Variants in FRMPD4 observed in about 807,000 individuals in gnomAD.
FRMPD4 encodes the protein FERM and PDZ domain-containing protein 4.
A neutral mutation model predicts 94.1 loss-of-function variants in FRMPD4; 22 were observed. The ratio of observed to expected loss-of-function variants is 0.23; its 90% CI spans 0.17 to 0.33. FRMPD4 has a LOEUF of 0.33. Ranked by LOEUF, FRMPD4 falls within the 10% of genes least tolerant of loss-of-function variation. The probability of loss-of-function intolerance (pLI) is 1.00; values close to 1 mark genes in which losing one functional copy is unlikely to be tolerated. For synonymous variants in FRMPD4, 631 were observed against 548.6 expected (o/e 1.15, Z -2.10); for missense variants, 1,111 against 1,339.9 (o/e 0.83, Z 2.67).
At chrX:12,265,691 A>G (rs2054260920) in intron 1 of FRMPD4, among the ~76,000 whole-genome samples, 1 of 110,135 alleles carries the variant, frequency 9.1e-6, no homozygotes, top group African/African-American at 3.3e-5. Context: ...TTCCAATAAT[A>G]CTGTAGCCCT....
At chrX:12,229,253 T>C (rs1444459942) in intron 1 of FRMPD4, among the ~76,000 whole-genome samples, 2 of 112,028 alleles carry the variant, frequency 1.8e-5, no homozygotes, top group African/African-American at 3.2e-5. Context: ...TGTTTCATTA[T>C]GCATTCAAGT....
chrX:12,560,723 T>A (rs946060930), intron 2 of FRMPD4, among the ~76,000 whole-genome samples: 7 of 100,418 alleles, frequency 7.0e-5, no homozygotes, highest in Non-Finnish European at 1.4e-4. Context: ...TTCTCCCTAG[T>A]GTATGCACCT....
At position 11,838,470 on chromosome X, in the gene FRMPD4, A is replaced by G. The variant is rs145802569; in HGVS notation, c.-161+15755A>G. ...CATATAAAATGAAGAAGATATTTTC[A>G]TTGTTTGTAAAATAAATATTTTACA... is the stretch of plus-strand genomic sequence containing the variant. On this transcript the variant is annotated intron_variant, in intron 1 of 18. Coordinates refer to the FRMPD4 transcript ENST00000640291. Among the ~76,000 whole-genome samples the G allele has an allele frequency of 3.7e-3, 410 of 111,923 alleles. 1 individual carries two copies. The highest frequency in any genetic ancestry group is 0.013 in the African/African-American group (386 of 30,872).
intron 1 of FRMPD4, among the ~76,000 whole-genome samples, chrX:12,278,539 C>G (rs1254954385): frequency 2.7e-5 from 3 of 112,217 alleles, no homozygotes; most frequent in Non-Finnish European, 5.6e-5. Flanking sequence ...ATTCTAATAC[C>G]TAAAAAAACT....
chrX:12,437,400 TTTTCTTTC>T (rs35076495), intron 1 of FRMPD4, among the ~76,000 whole-genome samples: 21 of 107,938 alleles, frequency 1.9e-4, no homozygotes, highest in Admixed American at 3.0e-4. Context: ...ATATATTCTT[TTTTCTTTC>T]TTTCTTTCTT....
At chrX:11,996,414 G>T (rs2054496525) in intron 3 of FRMPD4, among the ~76,000 whole-genome samples, 1 of 112,107 alleles carries the variant, frequency 8.9e-6, no homozygotes, top group African/African-American at 3.2e-5. Context: ...TTCCCAGAGT[G>T]GTGACAATTA....
intron 5 of FRMPD4, among the ~76,000 whole-genome samples, chrX:12,678,385 A>G (rs1322613360): frequency 8.9e-6 from 1 of 112,634 alleles, no homozygotes; most frequent in Admixed American, 9.4e-5. Context: ...TGGCTCCGAT[A>G]TACCGTCTTC....
chrX:12,178,265 G>A (rs2056318163), intron 1 of FRMPD4, among the ~76,000 whole-genome samples: 1 of 111,330 alleles, frequency 9.0e-6, no homozygotes, highest in South Asian at 3.8e-4. Flanking sequence ...TCATAACCGT[G>A]AGCAATACAT....
At chrX:12,348,302 CT>C (rs1289551831) in intron 1 of FRMPD4, among the ~76,000 whole-genome samples, 1 of 111,552 alleles carries the variant, frequency 9.0e-6, no homozygotes, top group African/African-American at 3.3e-5. Flanking sequence ...AAGTCAACCT[CT>C]GAGCTTACTT....
intron 1 of FRMPD4, among the ~76,000 whole-genome samples, chrX:12,451,959 AT>A (rs2057277925): frequency 9.1e-6 from 1 of 110,237 alleles, no homozygotes; most frequent in Non-Finnish European, 1.9e-5. Flanking sequence ...CCTTTCTACT[AT>A]TCTCTAATAC....
chrX:12,115,700 A>T (rs1569161228), intron 3 of FRMPD4, among the ~76,000 whole-genome samples: 1 of 108,566 alleles, frequency 9.2e-6, no homozygotes, highest in Non-Finnish European at 1.9e-5. Context: ...AGAATTTTGT[A>T]GGTGTGAGAT....
At chrX:12,475,497 C>G (rs1447971427) in intron 1 of FRMPD4, among the ~76,000 whole-genome samples, 6 of 111,499 alleles carry the variant, frequency 5.4e-5, no homozygotes, top group Non-Finnish European at 1.1e-4. Context: ...AAAGGGTATG[C>G]AATTAGGAAA....
intron 1 of FRMPD4, among the ~76,000 whole-genome samples, chrX:12,247,857 A>G (rs1051175896): frequency 8.9e-6 from 1 of 112,288 alleles, no homozygotes; most frequent in Non-Finnish European, 1.9e-5. Context: ...GGGAGATTAA[A>G]TAATTTGAAC....
chrX:12,327,061 A>C (rs7057877), intron 1 of FRMPD4, among the ~76,000 whole-genome samples: 2,614 of 111,837 alleles, frequency 0.023, 80 homozygotes, highest in African/African-American at 0.081. Flanking sequence ...TCAGCTCTTC[A>C]TCATCCCATT....
intron 2 of FRMPD4, among the ~76,000 whole-genome samples, chrX:11,875,927 G>A: frequency 1.0e-5 from 1 of 95,883 alleles, no homozygotes; most frequent in Non-Finnish European, 2.0e-5. Flanking sequence ...CCAGGCTGGA[G>A]TGCAGTGGCG....
intron 1 of FRMPD4, among the ~76,000 whole-genome samples, chrX:12,418,271 G>C (rs1399093780): frequency 3.7e-5 from 4 of 109,245 alleles, no homozygotes; most frequent in Non-Finnish European, 7.6e-5. Context: ...GCATGAAAGA[G>C]CAGAAATTGG....
chrX:11,935,297 A>C (rs866688409), intron 3 of FRMPD4, among the ~76,000 whole-genome samples: 2 of 1,232 alleles, frequency 1.6e-3, no homozygotes, highest in African/African-American at 8.2e-3. Flanking sequence ...TTTTTTTTTT[A>C]TTATACTCTA....
Position 11,891,546 on chromosome X carries a change from C to T in FRMPD4, c.95+13528C>T, listed in dbSNP as rs748957233. 3.6e-5 allele frequency among the ~76,000 whole-genome samples: 4 copies of T among 112,318 alleles called. No homozygotes were observed. In the South Asian group the frequency reaches 1.1e-3, roughly 32 times the overall value. ...TATGTTTGCTTTGTTCCAGTCAGCACTTCATGCCACCACAGGATAGGTTAA... is the reference window on the plus strand; with the variant it reads ...TATGTTTGCTTTGTTCCAGTCAGCATTTCATGCCACCACAGGATAGGTTAA... On this transcript the variant is annotated intron_variant, in intron 3 of 18. Coordinates refer to the FRMPD4 transcript ENST00000640291.
intron 3 of FRMPD4, among the ~76,000 whole-genome samples, chrX:11,894,323 G>T (rs1269960436): frequency 1.8e-5 from 2 of 112,385 alleles, no homozygotes; most frequent in African/African-American, 6.5e-5. Flanking sequence ...GAAGCACAGA[G>T]AAATTAAATA....
Sources: allele counts gnomAD v4.1 joint callset (sites outside exome capture counted in the v4.1 genomes callset), GRCh38; gene constraint gnomAD v4.1.1; transcripts MANE v1.5; gene names NCBI Gene and HGNC (gene_info 2026-07-23, HGNC 2026-07-21).